The following RLF variants were observed in gnomAD, a reference collection of about 807,000 sequenced individuals.
RLF encodes the protein RLF zinc finger.
In RLF, 7 loss-of-function variants were observed where a neutral mutation model predicts 162.9. The observed-to-expected ratio is 0.04, with a 90% confidence interval of 0.02 to 0.08. RLF has a LOEUF of 0.08. Ranked by LOEUF, RLF falls within the 10% of genes least tolerant of loss-of-function variation. The pLI, the probability that RLF is intolerant of heterozygous loss-of-function variation, is 1.00. For missense variants in RLF, 1,664 were observed against 2,244.7 expected (o/e 0.74, Z 5.23); for synonymous variants, 782 against 791.5 (o/e 0.99, Z 0.20).
intron 1 of RLF, among the ~76,000 whole-genome samples, chr1:40,186,964 G>A (rs576147988): frequency 1.3e-5 from 2 of 151,864 alleles, no homozygotes; most frequent in Non-Finnish European, 2.9e-5. Flanking sequence ...AATGCAGACA[G>A]TAAGTAACTT....
At chr1:40,207,440 A>G (rs1642811240) in intron 5 of RLF, among the ~76,000 whole-genome samples, 1 of 152,156 alleles carries the variant, frequency 6.6e-6, no homozygotes, top group African/African-American at 2.4e-5. Context: ...CTGTATATTT[A>G]TAAAAATAAG....
At chr1:40,189,312 C>A in intron 2 of RLF, 103 bp downstream of exon 2, 2 of 857,610 alleles carry the variant, frequency 2.3e-6, no homozygotes, top group Non-Finnish European at 3.6e-6. Flanking sequence ...TTCAGAGCAC[C>A]ATTAGAGTCA....
chr1:40,191,756 C>G (rs1642560431), intron 3 of RLF, among the ~76,000 whole-genome samples: 1 of 152,138 alleles, frequency 6.6e-6, no homozygotes, highest in Non-Finnish European at 1.5e-5. Flanking sequence ...TGCAGTCATT[C>G]ATTTATTGAT....
At chr1:40,206,328 T>G (rs1269363302) in intron 5 of RLF, among the ~76,000 whole-genome samples, 1 of 152,204 alleles carries the variant, frequency 6.6e-6, no homozygotes, top group African/African-American at 2.4e-5. Context: ...GCTTCAAGGT[T>G]ACAAAGCTAA....
chr1:40,230,259 T>A (rs1643136009), intron 6 of RLF, among the ~76,000 whole-genome samples: 1 of 152,264 alleles, frequency 6.6e-6, no homozygotes, highest in African/African-American at 2.4e-5. Context: ...TAGCCAACTT[T>A]CTGGGAGACA....
At chr1:40,194,959 G>A (rs1352699549) in intron 3 of RLF, among the ~76,000 whole-genome samples, 2 of 151,218 alleles carry the variant, frequency 1.3e-5, no homozygotes, top group Admixed American at 6.6e-5. Flanking sequence ...TCAGCCTCCC[G>A]AGTAGCTGGA....
intron 6 of RLF, among the ~76,000 whole-genome samples, chr1:40,225,454 C>T (rs890541261): frequency 3.0e-4 from 45 of 151,922 alleles, no homozygotes; most frequent in Non-Finnish European, 1.3e-4. Flanking sequence ...TGGCGTGTGC[C>T]TGTAATCCCA....
intron 4 of RLF, among the ~76,000 whole-genome samples, chr1:40,199,068 T>C (rs1482013137): frequency 6.6e-6 from 1 of 152,230 alleles, no homozygotes; most frequent in African/African-American, 2.4e-5. Context: ...GGGCACTGTA[T>C]TTGTGCTTTC....
At position 40,239,514 on chromosome 1, in the gene RLF, T is replaced by C; in HGVS notation, c.4812T>C (p.Ser1604=). The part of the protein sequence containing the change: ...YGTKIKEEPP[S]EADPCIKKEE... ...CCAAAATTAAGGAGGAACCCCCTTC[T>C]GAAGCAGATCCCTGTATAAAGAAAG... The change falls in exon 8 of 8, where the codon TCT becomes TCC. Residue 1604 remains serine (S), a synonymous_variant. Coordinates refer to ENST00000372771, the MANE Select transcript of RLF (RefSeq NM_012421.4). 1.2e-6 allele frequency: 2 copies of C among 1,614,048 alleles called. No homozygotes were observed. The highest frequency in any genetic ancestry group is 1.7e-6 in the Non-Finnish European group (2 of 1,180,024).
intron 1 of RLF, among the ~76,000 whole-genome samples, chr1:40,163,481 G>A (rs181009958): frequency 5.1e-4 from 78 of 152,286 alleles, no homozygotes; most frequent in South Asian, 2.9e-3. Flanking sequence ...TCTAGTGCTT[G>A]CAACTGCAGT....
intron 5 of RLF, among the ~76,000 whole-genome samples, chr1:40,204,644 A>G (rs1466887793): frequency 6.7e-6 from 1 of 150,098 alleles, no homozygotes; most frequent in African/African-American, 2.5e-5. Context: ...CTGGTCTCGA[A>G]CTCCCAGGGT....
intron 3 of RLF, among the ~76,000 whole-genome samples, chr1:40,194,526 G>A (rs1345783969): frequency 1.3e-5 from 2 of 151,276 alleles, no homozygotes; most frequent in Non-Finnish European, 2.9e-5. Context: ...TGTAATCCCA[G>A]CTACTTGGGA....
Position 40,238,351 on chromosome 1 carries a change from C to T in RLF, c.3649C>T (p.Pro1217Ser). 6.2e-7 allele frequency: 1 copy of T among 1,613,962 alleles called. No individual in the cohort carries two copies. The highest frequency in any genetic ancestry group is 8.5e-7 in the Non-Finnish European group (1 of 1,179,984). The change falls in exon 8 of 8, where the codon CCA (proline) becomes TCA (serine). Residue 1217 changes from proline to serine, a missense_variant. Physicochemically the swap from Pro to Ser is moderately conservative, Grantham distance 74. Around this residue, in one of 15 missense-constraint regions of RLF, gnomAD observed 102 missense variants for 109.5 expected, o/e 0.93. Coordinates refer to ENST00000372771, the MANE Select transcript of RLF (RefSeq NM_012421.4). The surrounding 1 kb of genome is among the most constrained non-coding windows in gnomAD (Gnocchi z 5.2). Reference protein sequence around the residue: ...LDNEKCDHEGPCSVDRLKGDC... With the variant: ...LDNEKCDHEGSCSVDRLKGDC... ...TAATGAAAAGTGTGATCATGAAGGC[C>T]CATGTTCAGTAGATAGGTTGAAAGG...
rs141473228 is a variant in RLF at position 40,226,677 on chromosome 1, T to C, written c.947+3967T>C. The stretch of plus-strand genomic sequence containing the variant: ...GGGTCAATTACTATTGTAATAGCTT[T>C]AAAAATTTTTTTTTTCTGTAATAGC... On this transcript the variant is annotated intron_variant, in intron 6 of 7. Coordinates refer to ENST00000372771, the MANE Select transcript of RLF (RefSeq NM_012421.4). 3.8e-3 allele frequency among the ~76,000 whole-genome samples: 579 copies of C among 152,278 alleles called. 3 individuals carry two copies. The highest frequency in any genetic ancestry group is 0.014 in the African/African-American group (562 of 41,552).
At chr1:40,200,820 T>TTAAAATTGGGC (rs1553174144) in intron 4 of RLF, among the ~76,000 whole-genome samples, 1 of 140,356 alleles carries the variant, frequency 7.1e-6, no homozygotes, top group Non-Finnish European at 1.5e-5. Flanking sequence ...TCATATGTAG[T>TTAAAATTGGGC]TAAAATTGGG....
At chr1:40,200,829 G>A (rs1413173526) in intron 4 of RLF, among the ~76,000 whole-genome samples, 2 of 125,120 alleles carry the variant, frequency 1.6e-5, no homozygotes, top group Admixed American at 8.9e-5. Flanking sequence ...GTTAAAATTG[G>A]GCCAGTGGTT....
intron 1 of RLF, among the ~76,000 whole-genome samples, chr1:40,167,221 G>T (rs1364038556): frequency 6.6e-6 from 1 of 152,154 alleles, no homozygotes; most frequent in Non-Finnish European, 1.5e-5. Flanking sequence ...GCCAAGATGG[G>T]TATAATCAGT....
At position 40,191,519 on chromosome 1, in the gene RLF, CAG is replaced by C. The variant is rs929506890; in HGVS notation, c.474+669_474+670del. ...CACCACTGCACTCCAGCCTGAGCAA[CAG>C]AGTGAGACTCTGTCTCGGAAAAAAA... On this transcript the variant is annotated intron_variant, in intron 3 of 7. Transcript: ENST00000372771. Among the ~76,000 whole-genome samples, 6 of 149,162 alleles carry C rather than the reference CAG, an allele frequency of 4.0e-5. No individual in the cohort carries two copies. In the Admixed American group the frequency reaches 4.0e-4, roughly 10 times the overall value.
chr1:40,189,074 G>A lies in RLF; in HGVS notation c.257G>A (p.Ser86Asn). ...TTGTAGACCTTATTGCAATATGCAA[G>A]CAACAAGAATGCATCAGAACATATT... Reference protein sequence around the residue: ...SFCQTLLQYASNKNASEHIVY... With the variant: ...SFCQTLLQYANNKNASEHIVY... The change falls in exon 2 of 8, where the codon AGC becomes AAC. Residue 86 changes from serine to asparagine, a missense_variant. Ser to Asn is a conservative substitution (Grantham distance 46). Around this residue, in one of 15 missense-constraint regions of RLF, gnomAD observed 134 missense variants for 124.3 expected, o/e 1.08. Coordinates refer to ENST00000372771, the MANE Select transcript of RLF (RefSeq NM_012421.4). The A allele has an allele frequency of 6.3e-7, 1 of 1,598,498 alleles. No individual in the cohort carries two copies. Among genetic ancestry groups the A allele is most frequent in the Non-Finnish European group, 8.5e-7 (1 of 1,171,178 alleles).
Sources: allele counts gnomAD v4.1 joint callset (sites outside exome capture counted in the v4.1 genomes callset), GRCh38; gene constraint gnomAD v4.1.1; regional missense constraint gnomAD v4.1.1; non-coding constraint Gnocchi (gnomAD v3.1); transcripts MANE v1.5; gene names NCBI Gene and HGNC (gene_info 2026-07-23, HGNC 2026-07-21).